Variants in PRKCE observed in about 807,000 individuals in gnomAD.
PRKCE encodes protein kinase C epsilon type.
In PRKCE, 16 loss-of-function variants were observed where a neutral mutation model predicts 85.4. That is an observed-to-expected ratio of 0.19 (90% CI 0.13 to 0.28). The LOEUF is 0.28. Ranked by LOEUF, PRKCE falls within the 10% of genes least tolerant of loss-of-function variation. The pLI is 1.00. For missense variants in PRKCE, 573 were observed against 975.2 expected, an observed-to-expected ratio of 0.59 and a Z score of 5.49; for synonymous variants, 388 against 371.5, an observed-to-expected ratio of 1.04 and a Z score of -0.51.
At chr2:45,911,483 T>G (rs935356688) in intron 2 of PRKCE, among the ~76,000 whole-genome samples, 1 of 152,214 alleles carries the variant, frequency 6.6e-6, no homozygotes, top group Non-Finnish European at 1.5e-5. Context: ...CAGGAGGCCA[T>G]ACCTCTGGGC....
At chr2:45,759,758 C>A (rs1684304601) in intron 1 of PRKCE, among the ~76,000 whole-genome samples, 1 of 152,190 alleles carries the variant, frequency 6.6e-6, no homozygotes, top group Non-Finnish European at 1.5e-5. Context: ...CTCGCCATGG[C>A]ATTATGTGCT....
intron 10 of PRKCE, among the ~76,000 whole-genome samples, chr2:46,071,017 T>C (rs1308930609): frequency 6.6e-6 from 1 of 152,220 alleles, no homozygotes; most frequent in Non-Finnish European, 1.5e-5. Flanking sequence ...AAGATGGAGA[T>C]GGTTTGCTCC....
chr2:45,814,331 C>T (rs894135587), intron 1 of PRKCE, among the ~76,000 whole-genome samples: 21 of 152,188 alleles, frequency 1.4e-4, no homozygotes, highest in African/African-American at 4.3e-4. Context: ...TTGGATGCCC[C>T]GATACCCTTG....
At chr2:45,927,030 T>C (rs567070407) in intron 2 of PRKCE, among the ~76,000 whole-genome samples, 1 of 151,520 alleles carries the variant, frequency 6.6e-6, no homozygotes, top group South Asian at 2.1e-4. Context: ...AACGTGTGAG[T>C]GTGCATGGGA....
chr2:46,172,627 G>T (rs941943740), intron 14 of PRKCE, among the ~76,000 whole-genome samples: 1 of 152,224 alleles, frequency 6.6e-6, no homozygotes, highest in Non-Finnish European at 1.5e-5. Context: ...TGAGACTATT[G>T]ACTTCACCTG....
chr2:45,801,770 A>G (rs933041274), intron 1 of PRKCE, among the ~76,000 whole-genome samples: 5 of 152,254 alleles, frequency 3.3e-5, no homozygotes, highest in Admixed American at 1.3e-4. Flanking sequence ...CTGGCTGTCC[A>G]TGGGACAGGT....
chr2:46,002,736 C>G (rs975915368), intron 7 of PRKCE, among the ~76,000 whole-genome samples: 1 of 152,162 alleles, frequency 6.6e-6, no homozygotes, highest in Non-Finnish European at 1.5e-5. Flanking sequence ...CCTGGAATTG[C>G]AAGCAGAGTA....
chr2:45,946,250 T>C (rs781296258), intron 2 of PRKCE, among the ~76,000 whole-genome samples: 1 of 152,244 alleles, frequency 6.6e-6, no homozygotes, highest in Non-Finnish European at 1.5e-5. Flanking sequence ...TTGTGAGTTA[T>C]GCCCGGTCAT....
intron 2 of PRKCE, among the ~76,000 whole-genome samples, chr2:45,874,484 T>C (rs1228179220): frequency 4.6e-5 from 7 of 152,232 alleles, no homozygotes; most frequent in African/African-American, 1.4e-4. Context: ...ATTTTGGCAG[T>C]GGCTCTCCCA....
intron 1 of PRKCE, among the ~76,000 whole-genome samples, chr2:45,751,312 G>A (rs2104745372): frequency 6.6e-6 from 1 of 152,266 alleles, no homozygotes; most frequent in South Asian, 2.1e-4. Context: ...AATAAAGCCT[G>A]TATATGTGGG....
At chr2:45,737,788 C>T (rs1483985713) in intron 1 of PRKCE, among the ~76,000 whole-genome samples, 1 of 152,110 alleles carries the variant, frequency 6.6e-6, no homozygotes, top group Admixed American at 6.6e-5. Flanking sequence ...CACCTGGGGC[C>T]TAAGACTCAC....
chr2:45,765,334 C>T (rs1684827127), intron 1 of PRKCE, among the ~76,000 whole-genome samples: 1 of 152,188 alleles, frequency 6.6e-6, no homozygotes, highest in Non-Finnish European at 1.5e-5. Context: ...AAAGGTCAAA[C>T]TAATGGCCAA....
At chr2:45,816,880 TC>T (rs1689089929) in intron 1 of PRKCE, among the ~76,000 whole-genome samples, 1 of 152,170 alleles carries the variant, frequency 6.6e-6, no homozygotes, top group Non-Finnish European at 1.5e-5. Flanking sequence ...TTGGTACAGC[TC>T]TTTTAAAGAG....
chr2:45,651,333 C>G (rs1675110724), upstream of PRKCE: 1 of 150,722 alleles, frequency 6.6e-6, no homozygotes, highest in Non-Finnish European at 1.5e-5. Context: ...CCTGCGCCCC[C>G]GAGCCGGATC....
At chr2:45,804,233 C>A (rs1032431212) in intron 1 of PRKCE, among the ~76,000 whole-genome samples, 1 of 152,170 alleles carries the variant, frequency 6.6e-6, no homozygotes, top group Non-Finnish European at 1.5e-5. Flanking sequence ...CCAGTAGGAG[C>A]AAACCCAATG....
chr2:46,109,284 G>A (rs1460363925), intron 11 of PRKCE, among the ~76,000 whole-genome samples: 1 of 152,070 alleles, frequency 6.6e-6, no homozygotes, highest in African/African-American at 2.4e-5. Context: ...TTAAGTTGGG[G>A]ACAATTGACA....
chr2:45,733,085 A>G (rs1558609311), intron 1 of PRKCE, among the ~76,000 whole-genome samples: 1 of 152,208 alleles, frequency 6.6e-6, no homozygotes. Context: ...GCAGTGACTG[A>G]GATTTGGCCC....
At chr2:45,836,642 G>A (rs1690902538) in intron 1 of PRKCE, among the ~76,000 whole-genome samples, 1 of 152,308 alleles carries the variant, frequency 6.6e-6, no homozygotes, top group South Asian at 2.1e-4. Context: ...CAGTGAAGGG[G>A]TACAGGACTT....
intron 2 of PRKCE, among the ~76,000 whole-genome samples, chr2:45,933,999 T>G (rs1699255552): frequency 6.6e-6 from 1 of 152,316 alleles, no homozygotes; most frequent in African/African-American, 2.4e-5. Flanking sequence ...TTGTCCATAT[T>G]ATAAACACTG....
Sources: gnomAD v4.1 joint callset for allele counts (sites outside exome capture counted in the v4.1 genomes callset) on GRCh38, gnomAD v4.1.1 for gene constraint, MANE v1.5 for transcripts, NCBI Gene and HGNC (gene_info 2026-07-23, HGNC 2026-07-21) for gene names.